Variants in CD2AP observed in about 807,000 individuals in gnomAD.
The protein encoded by CD2AP is CD2-associated protein.
A neutral mutation model predicts 85.1 loss-of-function variants in CD2AP; 46 were observed. That is an observed-to-expected ratio of 0.54 (90% CI 0.43 to 0.69). The LOEUF (loss-of-function observed/expected upper bound fraction) is 0.69, where lower values mean the gene tolerates loss of function less well. CD2AP is among the 30% of genes least tolerant of loss of function. CD2AP has a pLI of 0.00. For synonymous variants in CD2AP, 255 were observed against 252.9 expected (o/e 1.01, Z -0.08); for missense variants, 769 against 729.5 (o/e 1.05, Z -0.62).
intron 1 of CD2AP, among the ~76,000 whole-genome samples, chr6:47,486,380 A>G (rs1262671944): frequency 6.6e-6 from 1 of 152,208 alleles, no homozygotes; most frequent in African/African-American, 2.4e-5. Flanking sequence ...GAATAAGACA[A>G]CATAATAACA....
At chr6:47,582,984 C>T (rs1008868171) in intron 11 of CD2AP, among the ~76,000 whole-genome samples, 6 of 151,970 alleles carry the variant, frequency 3.9e-5, no homozygotes, top group African/African-American at 1.2e-4. Context: ...GGGGTTTCAC[C>T]ATGTTAGCCA....
rs758359789 is a variant in CD2AP at position 47,554,824 on chromosome 6, G to A, written c.541+58G>A. The A allele has an allele frequency of 9.9e-4, 1,420 of 1,436,110 alleles. 6 individuals carry two copies. The highest frequency in any genetic ancestry group is 1.0e-3 in the Non-Finnish European group (1,056 of 1,055,538). 89.0% of individuals were successfully genotyped at this position (1,436,110 alleles called of 1,614,324 possible). ...AAATAAACTTTATATAGCATCTAGT[G>A]TTTTATTTTGTATTTTTTGAAACTC... On this transcript the variant is annotated intron_variant, in intron 5 of 17. Transcript: ENST00000359314.
rs79184389 is a variant in CD2AP, at chr6:47,484,408, A to G, written c.4+6160A>G. 8.0e-3 allele frequency among the ~76,000 whole-genome samples: 1,187 copies of G among 149,022 alleles called. 13 individuals carry two copies. The highest frequency in any genetic ancestry group is 0.027 in the African/African-American group (1,107 of 40,368). ...GTTTCTGAAGGTCTCAGCTTCCTAG[A>G]TGTTCTACACTCTTCCTGACCATTT... On this transcript the variant is annotated intron_variant, in intron 1 of 17. Transcript: ENST00000359314.
At chr6:47,502,451 C>T (rs1317419424) in intron 1 of CD2AP, among the ~76,000 whole-genome samples, 4 of 150,136 alleles carry the variant, frequency 2.7e-5, no homozygotes, top group Admixed American at 6.6e-5. Flanking sequence ...TTTGTAGAGA[C>T]GGGGTTTTGT....
At chr6:47,499,391 G>A (rs956267029) in intron 1 of CD2AP, among the ~76,000 whole-genome samples, 5 of 151,982 alleles carry the variant, frequency 3.3e-5, no homozygotes, top group African/African-American at 7.3e-5. Context: ...TCCATGTTAC[G>A]TATTGAAAAC....
intron 14 of CD2AP, 173 bp from the exon 15 acceptor site, chr6:47,607,754 T>G (rs1769313815): frequency 7.5e-6 from 4 of 534,476 alleles, no homozygotes; most frequent in Non-Finnish European, 1.0e-5. Flanking sequence ...CCTCAAGATA[T>G]GCAAATGTGT....
At chr6:47,551,101 G>T (rs1767507277) in intron 4 of CD2AP, among the ~76,000 whole-genome samples, 1 of 152,038 alleles carries the variant, frequency 6.6e-6, no homozygotes, top group Non-Finnish European at 1.5e-5. Context: ...CTCAGGTGAT[G>T]GGTGCACCAG....
intron 5 of CD2AP, among the ~76,000 whole-genome samples, chr6:47,573,145 C>A (rs1768201211): frequency 1.3e-5 from 2 of 152,132 alleles, no homozygotes; most frequent in Admixed American, 6.5e-5. Flanking sequence ...ACTCATTGAG[C>A]CTATAAATAA....
At chr6:47,617,942 C>G (rs1055668964) in intron 17 of CD2AP, among the ~76,000 whole-genome samples, 5 of 152,176 alleles carry the variant, frequency 3.3e-5, no homozygotes, top group African/African-American at 1.2e-4. Flanking sequence ...GCCTCATCTT[C>G]TAATGCCCAC....
chr6:47,573,279 C>G (rs1006839080), intron 5 of CD2AP, among the ~76,000 whole-genome samples: 5 of 151,970 alleles, frequency 3.3e-5, no homozygotes. Flanking sequence ...GACCTGTTAC[C>G]TAATCTCTGA....
intron 2 of CD2AP, among the ~76,000 whole-genome samples, chr6:47,522,820 A>G (rs1174112536): frequency 1.3e-5 from 2 of 151,818 alleles, no homozygotes; most frequent in East Asian, 3.8e-4. Context: ...CATAGTAAAT[A>G]TAATGTAAAT....
intron 2 of CD2AP, among the ~76,000 whole-genome samples, chr6:47,507,286 T>G (rs9395264): frequency 0.61 from 93,022 of 151,984 alleles, 29,204 homozygotes; most frequent in Middle Eastern, 0.74. Context: ...CATCCTTTAG[T>G]GTTGTGATCT....
At chr6:47,494,229 A>G (rs1212392282) in intron 1 of CD2AP, among the ~76,000 whole-genome samples, 1 of 152,016 alleles carries the variant, frequency 6.6e-6, no homozygotes, top group Non-Finnish European at 1.5e-5. Context: ...TGTGTTTAAT[A>G]TTTGCTCTAG....
At chr6:47,603,858 C>CA (rs1769204732) in intron 13 of CD2AP, among the ~76,000 whole-genome samples, 1 of 151,982 alleles carries the variant, frequency 6.6e-6, no homozygotes, top group South Asian at 2.1e-4. Flanking sequence ...ATAAAGCAAT[C>CA]AAAATAGTAT....
chr6:47,576,177 G>A (rs969680338), intron 6 of CD2AP, among the ~76,000 whole-genome samples: 2 of 152,148 alleles, frequency 1.3e-5, no homozygotes, highest in Non-Finnish European at 2.9e-5. Flanking sequence ...CTGGTTTCAT[G>A]CAGTTCTCCT....
At chr6:47,480,390 A>G (rs537939049) in intron 1 of CD2AP, among the ~76,000 whole-genome samples, 124 of 152,284 alleles carry the variant, frequency 8.1e-4, no homozygotes, top group Non-Finnish European at 1.5e-3. Context: ...CTAATTTGTC[A>G]CAAAATGAAA....
intron 2 of CD2AP, among the ~76,000 whole-genome samples, chr6:47,527,016 CAG>C (rs1027540483): frequency 8.6e-5 from 13 of 151,968 alleles, no homozygotes; most frequent in African/African-American, 2.7e-4. Flanking sequence ...CCAATAAAAA[CAG>C]GGAAATATTT....
intron 5 of CD2AP, chr6:47,562,500 A>C (rs1242388943): frequency 4.6e-6 from 1 of 218,880 alleles, no homozygotes; most frequent in Non-Finnish European, 9.2e-6. Flanking sequence ...AATAATTTTT[A>C]AGTTATAAAG....
At chr6:47,595,763 C>T in intron 11 of CD2AP, 98 bp from the exon 12 acceptor site, 1 of 896,570 alleles carries the variant, frequency 1.1e-6, no homozygotes. Flanking sequence ...TTCATGTCTG[C>T]CTCTGTCACA....
Sources: allele counts gnomAD v4.1 joint callset (sites outside exome capture counted in the v4.1 genomes callset), GRCh38; gene constraint gnomAD v4.1.1; transcripts MANE v1.5; gene names NCBI Gene and HGNC (gene_info 2026-07-23, HGNC 2026-07-21).